Variants in VWA8 observed in about 807,000 individuals in gnomAD.
VWA8 encodes the protein von Willebrand factor A domain-containing protein 8.
In VWA8, 221 loss-of-function variants were observed where a neutral mutation model predicts 241.5. The ratio of observed to expected loss-of-function variants is 0.91; its 90% confidence interval spans 0.82 to 1.02. The LOEUF (loss-of-function observed/expected upper bound fraction) is 1.02. Ranked by LOEUF, VWA8 falls within the 50% of genes least tolerant of loss-of-function variation. The pLI is 0.00. For synonymous variants in VWA8, 852 were observed against 827.1 expected, an observed-to-expected ratio of 1.03 and a Z score of -0.52; for missense variants, 2,322 against 2,328.7, an observed-to-expected ratio of 1.00 and a Z score of 0.06.
chr13:41,591,234 AC>A (rs2044452731), intron 40 of VWA8, among the ~76,000 whole-genome samples: 1 of 152,218 alleles, frequency 6.6e-6, no homozygotes, highest in African/African-American at 2.4e-5. Context: ...ATAGCTGAAA[AC>A]AATAGTATGT....
At chr13:41,794,994 TATC>T (rs1166986514) in intron 17 of VWA8, among the ~76,000 whole-genome samples, 4 of 152,164 alleles carry the variant, frequency 2.6e-5, no homozygotes, top group Non-Finnish European at 4.4e-5. Context: ...CAAAAGAAAC[TATC>T]ATCGGAGTGA....
intron 43 of VWA8, 70 bp downstream of exon 43, chr13:41,575,670 A>G (rs1327582893): frequency 8.8e-7 from 1 of 1,141,796 alleles, no homozygotes; most frequent in East Asian, 2.4e-5. Context: ...TGCTGCTTCA[A>G]TGAATCCTTT....
intron 2 of VWA8, among the ~76,000 whole-genome samples, chr13:41,940,718 T>C (rs1173897101): frequency 6.6e-6 from 1 of 152,220 alleles, no homozygotes; most frequent in African/African-American, 2.4e-5. Context: ...TCACTTCTCT[T>C]ATTTCAAGTT....
intron 26 of VWA8, among the ~76,000 whole-genome samples, chr13:41,709,072 C>T (rs1225045701): frequency 1.3e-5 from 2 of 152,188 alleles, no homozygotes; most frequent in African/African-American, 4.8e-5. Flanking sequence ...CTGAAACTCT[C>T]CCAGTTGTTG....
chr13:41,960,265 G>C (rs1249455843), intron 1 of VWA8, among the ~76,000 whole-genome samples: 1 of 152,214 alleles, frequency 6.6e-6, no homozygotes, highest in African/African-American at 2.4e-5. Context: ...CATTTGTAGA[G>C]GCAAGTGTTT....
chr13:41,740,397 C>T (rs964657971), intron 21 of VWA8, among the ~76,000 whole-genome samples: 5 of 151,802 alleles, frequency 3.3e-5, no homozygotes, highest in Admixed American at 2.6e-4. Context: ...ATATTTAATC[C>T]GTCATTAGGA....
At chr13:41,942,447 G>A (rs1429561969) in intron 2 of VWA8, among the ~76,000 whole-genome samples, 1 of 152,044 alleles carries the variant, frequency 6.6e-6, no homozygotes, top group Non-Finnish European at 1.5e-5. Context: ...GAATAGACCC[G>A]CAGCTAACTT....
At chr13:41,806,553 A>C (rs1221476549) in intron 17 of VWA8, among the ~76,000 whole-genome samples, 2 of 152,154 alleles carry the variant, frequency 1.3e-5, no homozygotes, top group African/African-American at 2.4e-5. Context: ...AATGCAAAAA[A>C]TTAGCTGGGC....
intron 1 of VWA8, among the ~76,000 whole-genome samples, chr13:41,955,553 A>C (rs936803918): frequency 2.0e-5 from 3 of 152,234 alleles, no homozygotes; most frequent in Non-Finnish European, 4.4e-5. Flanking sequence ...CTGATATGAC[A>C]TCATGGCTTT....
intron 37 of VWA8, among the ~76,000 whole-genome samples, chr13:41,626,247 G>T (rs1339667796): frequency 1.3e-5 from 2 of 151,480 alleles, no homozygotes; most frequent in African/African-American, 2.4e-5. Context: ...AAATTAAAAA[G>T]AAAACACTCA....
Position 41,865,963 on chromosome 13 carries a change from T to C in VWA8, c.1286A>G (p.Gln429Arg), listed in dbSNP as rs774136328. 2.0e-5 allele frequency: 33 copies of C among 1,614,124 alleles called. No individual in the cohort carries two copies. The highest frequency in any genetic ancestry group is 6.6e-5 in the South Asian group (6 of 91,092). The part of the protein sequence containing the change: ...DRFIQTLSHK[Q>R]LQAEMMQSHM... ...AGACTGCATCATTTCAGCCTGTAGC[T>C]GCTTATGGCTCAAAGTCTGTATGAA... The change falls in exon 11 of 45, where the codon CAG (glutamine) becomes CGG (arginine). Residue 429 changes from glutamine (Q) to arginine (R), a missense_variant. Transcript: ENST00000379310.
At chr13:41,612,256 A>G (rs1365978146) in intron 38 of VWA8, among the ~76,000 whole-genome samples, 6 of 152,336 alleles carry the variant, frequency 3.9e-5, no homozygotes, top group African/African-American at 1.2e-4. Flanking sequence ...AAAATAATGC[A>G]CAGAGAGGCT....
chr13:41,810,208 G>GA (rs967688888), intron 17 of VWA8, among the ~76,000 whole-genome samples: 9 of 150,530 alleles, frequency 6.0e-5, no homozygotes, highest in Admixed American at 2.0e-4. Flanking sequence ...AAAAAAAGAA[G>GA]AAAAAAAAAT....
In VWA8 at chr13:41,820,221, T is replaced by C. The variant is rs1199950741; in HGVS notation, c.1701-835A>G. Among the ~76,000 whole-genome samples the C allele has an allele frequency of 7.9e-5, 12 of 152,320 alleles. No individual in the cohort carries two copies. In the East Asian group the frequency reaches 2.3e-3, roughly 29 times the overall value. The stretch of plus-strand genomic sequence containing the variant: ...ATATGCTTTTTGAGGGTAATATAGT[T>C]CTTGCTAAGAGAAAGGAGAGATAAA... On this transcript the variant is annotated intron_variant, in intron 14 of 44. Coordinates refer to ENST00000379310, the MANE Select transcript of VWA8 (RefSeq NM_015058.2).
chr13:41,725,249 G>A lies in VWA8; in HGVS notation c.2758+1945C>T, dbSNP rs188243634. ...AGAAAATATATCAAGGTGGGTAGGT[G>A]AAAAGGTGGTAGGATCAATGGATTG... On this transcript the variant is annotated intron_variant, in intron 24 of 44. Transcript: ENST00000379310. Among the ~76,000 whole-genome samples, 248 of 152,270 alleles carry A rather than the reference G, an allele frequency of 1.6e-3. 1 individual carries two copies. The highest frequency in any genetic ancestry group is 5.6e-3 in the African/African-American group (232 of 41,558).
rs1873415291 is a variant in VWA8, at chr13:41,868,427, T to C, written c.1131A>G (p.Val377=). ...GGTTTTCCATCATCTTCTCTACTTT[T>C]ACAATCTCTTTAGGAAGTAGAGAGC... The part of the protein sequence containing the change: ...SGSSLLPKEI[V]KVEKMMENHV... Residue 377 remains valine (V), a synonymous_variant, in exon 10 of 45, where the codon GTA becomes GTG. Transcript: ENST00000379310. 1.9e-6 allele frequency: 3 copies of C among 1,614,020 alleles called. No individual in the cohort carries two copies. The highest frequency in any genetic ancestry group is 1.7e-6 in the Non-Finnish European group (2 of 1,180,006).
At chr13:41,569,550 A>G (rs2044285891) in intron 44 of VWA8, among the ~76,000 whole-genome samples, 1 of 152,214 alleles carries the variant, frequency 6.6e-6, no homozygotes, top group African/African-American at 2.4e-5. Flanking sequence ...AAAAGCTGCT[A>G]GCATTTTGGA....
chr13:41,803,188 T>C lies in VWA8; in HGVS notation c.2063+8037A>G, dbSNP rs1444068669. Reference sequence around the variant, plus strand: ...AATTCTCTTTGAATACTTGGAAATCTTTCCCAAGAAGGACATGTACAAACA... The same window carrying C: ...AATTCTCTTTGAATACTTGGAAATCCTTCCCAAGAAGGACATGTACAAACA... On this transcript the variant is annotated intron_variant, in intron 17 of 44. Coordinates refer to ENST00000379310, the MANE Select transcript of VWA8 (RefSeq NM_015058.2). 3.9e-5 allele frequency among the ~76,000 whole-genome samples: 6 copies of C among 152,352 alleles called. No homozygotes were observed. In the East Asian group the frequency reaches 1.2e-3, roughly 29 times the overall value.
intron 21 of VWA8, among the ~76,000 whole-genome samples, chr13:41,745,394 G>A (rs1360196483): frequency 6.6e-6 from 1 of 151,990 alleles, no homozygotes. Flanking sequence ...GTGGTGTTTG[G>A]TTTTCTGTCC....
Sources: gnomAD v4.1 joint callset for allele counts (sites outside exome capture counted in the v4.1 genomes callset) on GRCh38, gnomAD v4.1.1 for gene constraint, MANE v1.5 for transcripts, NCBI Gene and HGNC (gene_info 2026-07-23, HGNC 2026-07-21) for gene names.